The following EIF4E3 variants were observed in gnomAD, a reference collection of about 807,000 sequenced individuals.
EIF4E3 encodes eukaryotic translation initiation factor 4E family member 3.
EIF4E3 carries 26 observed loss-of-function variants against 31.7 expected under a neutral mutation model. The ratio of observed to expected loss-of-function variants is 0.82; its 90% confidence interval spans 0.60 to 1.14. The LOEUF (loss-of-function observed/expected upper bound fraction) is 1.14, where lower values mean the gene tolerates loss of function less well. Ranked by LOEUF, EIF4E3 falls within the 50% of genes most tolerant of loss-of-function variation. The pLI is 0.00. For synonymous variants in EIF4E3, 128 were observed against 107.7 expected (o/e 1.19, Z -1.17); for missense variants, 304 against 270.9 (o/e 1.12, Z -0.86).
chr3:71,704,333 A>G (rs2049260456), intron 2 of EIF4E3, among the ~76,000 whole-genome samples: 1 of 152,212 alleles, frequency 6.6e-6, no homozygotes, highest in African/African-American at 2.4e-5. Context: ...GGGGATGCCT[A>G]GACCAGAGGA....
upstream of EIF4E3, among the ~76,000 whole-genome samples, chr3:71,725,638 G>A (rs895717567): frequency 4.6e-5 from 7 of 152,016 alleles, no homozygotes; most frequent in African/African-American, 1.4e-4. This position sits in a 1 kb window ranked among gnomAD's most constrained non-coding sequence, Gnocchi z 6.1. Flanking sequence ...GCCCAGCGTG[G>A]GAGACTGACG....
At chr3:71,692,713 C>A (rs963698465) in intron 5 of EIF4E3, among the ~76,000 whole-genome samples, 20 of 151,928 alleles carry the variant, frequency 1.3e-4, no homozygotes, top group African/African-American at 4.4e-4. Context: ...CCCACTGCAG[C>A]CTCCAAAGTT....
At chr3:71,743,022 A>C (rs1050475089) in intron 1 of EIF4E3, among the ~76,000 whole-genome samples, 2 of 152,172 alleles carry the variant, frequency 1.3e-5, no homozygotes, top group Non-Finnish European at 2.9e-5. Context: ...GCCTATAAAA[A>C]TCCATAGCTA....
chr3:71,701,294 T>A (rs918697040), intron 2 of EIF4E3, among the ~76,000 whole-genome samples: 1 of 152,196 alleles, frequency 6.6e-6, no homozygotes, highest in Non-Finnish European at 1.5e-5. Flanking sequence ...CTATGAACAT[T>A]TACATGTTTA....
Position 71,678,008 on chromosome 3 carries a change from G to A in EIF4E3, c.*6674C>T, listed in dbSNP as rs1195066670. On this transcript the variant is annotated 3_prime_UTR_variant, in exon 7 of 7. Transcript: ENST00000425534. ...TATCAAATGTGTTCAACAGGGAAGTGTAAAAATAACAACAGTTACTCCCCA... is the reference window on the plus strand; with the variant it reads ...TATCAAATGTGTTCAACAGGGAAGTATAAAAATAACAACAGTTACTCCCCA... The A allele has an allele frequency of 1.3e-5, 2 of 152,184 alleles. No individual in the cohort carries two copies. Among genetic ancestry groups the A allele is most frequent in the African/African-American group, 2.4e-5 (1 of 41,442 alleles). The allele number at this position is 152,184 out of a possible 1,614,324, so 9.4% of individuals were successfully genotyped here.
At chr3:71,667,169 T>C in the EIF4E3 span, among the ~76,000 whole-genome samples, 1 of 152,128 alleles carries the variant, frequency 6.6e-6, no homozygotes, top group African/African-American at 2.4e-5. Context: ...ATTATCTCAA[T>C]AGATGTAGAA....
At chr3:71,697,258 C>T (rs550833402) in intron 3 of EIF4E3, among the ~76,000 whole-genome samples, 18 of 152,180 alleles carry the variant, frequency 1.2e-4, no homozygotes, top group African/African-American at 4.3e-4. Context: ...TGGCCTCAAG[C>T]AATCCTCCCA....
At chr3:71,662,807 T>C in the EIF4E3 span, among the ~76,000 whole-genome samples, 1 of 152,138 alleles carries the variant, frequency 6.6e-6, no homozygotes, top group African/African-American at 2.4e-5. Flanking sequence ...GTCTTGGTGG[T>C]GATTTCCCTT....
downstream of EIF4E3, among the ~76,000 whole-genome samples, chr3:71,673,392 T>C (rs1559581132): frequency 6.6e-6 from 1 of 152,206 alleles, no homozygotes. Context: ...AGGGCTTGTT[T>C]GGCTTTCAAA....
Position 71,678,251 on chromosome 3 carries a change from A to G in EIF4E3, c.*6431T>C, listed in dbSNP as rs2048889498. On this transcript the variant is annotated 3_prime_UTR_variant, in exon 7 of 7. Coordinates refer to ENST00000425534, the MANE Select transcript of EIF4E3 (RefSeq NM_001134651.2). ...GATGAAAATGACATTTCTATACTAT[A>G]AGAACCTCAATACAGAATGAGAATT... The G allele has an allele frequency of 6.6e-6, 1 of 152,242 alleles. No individual in the cohort carries two copies. The highest frequency in any genetic ancestry group is 1.5e-5 in the Non-Finnish European group (1 of 68,038). The allele number at this position is 152,242 out of a possible 1,614,324, so 9.4% of individuals were successfully genotyped here.
intron 1 of EIF4E3, among the ~76,000 whole-genome samples, chr3:71,714,654 G>A (rs35899311): frequency 0.077 from 11,701 of 152,220 alleles, 523 homozygotes; most frequent in Non-Finnish European, 0.099. Context: ...AAATTGGGCC[G>A]TATCCATAGA....
chr3:71,689,993 G>A lies in EIF4E3; in HGVS notation c.628+17C>T. ...TAGAGTAAGCTAGAAAGTAATAACT[G>A]GAAATGAAGCACTTACGTTTATAAA... On this transcript the variant is annotated intron_variant, in intron 6 of 6. Coordinates refer to ENST00000425534, the MANE Select transcript of EIF4E3 (RefSeq NM_001134651.2). 1.3e-6 allele frequency: 2 copies of A among 1,585,332 alleles called. No individual in the cohort carries two copies. Among genetic ancestry groups the A allele is most frequent in the South Asian group, 1.2e-5 (1 of 86,862 alleles).
In EIF4E3 at chr3:71,676,136, G is replaced by A. The variant is rs900638940; in HGVS notation, c.*8546C>T. 1 of 152,142 alleles carries A rather than the reference G, an allele frequency of 6.6e-6. No homozygotes were observed. The highest frequency in any genetic ancestry group is 6.6e-5 in the Admixed American group (1 of 15,260). 9.4% of individuals were successfully genotyped at this position (152,142 alleles called of 1,614,324 possible). On this transcript the variant is annotated 3_prime_UTR_variant, in exon 7 of 7. Transcript: ENST00000425534. ...AAATTCTGCCCAGTTACTAACTTAC[G>A]GGGGTATCAATTGCTTATAGTGTGT... is the stretch of plus-strand genomic sequence containing the variant.
chr3:71,692,619 A>T (rs1578338606), intron 5 of EIF4E3, among the ~76,000 whole-genome samples: 1 of 149,600 alleles, frequency 6.7e-6, no homozygotes, highest in East Asian at 2.0e-4. Flanking sequence ...TTTTTGAAAC[A>T]GGGTCTCACT....
intron 6 of EIF4E3, among the ~76,000 whole-genome samples, chr3:71,685,523 A>G (rs551560362): frequency 6.9e-4 from 105 of 152,188 alleles, no homozygotes; most frequent in Middle Eastern, 3.4e-3. Flanking sequence ...CACCACGTCC[A>G]GCTAATTTTT....
intron 1 of EIF4E3, among the ~76,000 whole-genome samples, chr3:71,746,043 C>T (rs774539135): frequency 6.6e-6 from 1 of 152,204 alleles, no homozygotes; most frequent in Non-Finnish European, 1.5e-5. Context: ...TCTGTACTAG[C>T]AGATACAATC....
At chr3:71,732,214 G>T (rs1010284762) in intron 1 of EIF4E3, among the ~76,000 whole-genome samples, 3 of 152,116 alleles carry the variant, frequency 2.0e-5, no homozygotes, top group African/African-American at 7.2e-5. Context: ...TTTTGCCTGA[G>T]ACCTTTCTTC....
intron 1 of EIF4E3, among the ~76,000 whole-genome samples, chr3:71,720,446 C>T (rs757097669): frequency 8.5e-5 from 13 of 152,100 alleles, no homozygotes; most frequent in Non-Finnish European, 1.9e-4. Flanking sequence ...CCTCCCTCCT[C>T]AGCCTCCTAA....
chr3:71,692,067 GCA>G (rs2049070880), intron 5 of EIF4E3, among the ~76,000 whole-genome samples: 1 of 152,138 alleles, frequency 6.6e-6, no homozygotes, highest in African/African-American at 2.4e-5. Flanking sequence ...TGGTAACCAG[GCA>G]CAGTTACTAG....
Sources: gnomAD v4.1 joint callset for allele counts (sites outside exome capture counted in the v4.1 genomes callset) on GRCh38, gnomAD v4.1.1 for gene constraint, Gnocchi (gnomAD v3.1) non-coding constraint, MANE v1.5 for transcripts, NCBI Gene and HGNC (gene_info 2026-07-23, HGNC 2026-07-21) for gene names.